The following CDH18 variants were observed in gnomAD, a reference collection of about 807,000 sequenced individuals.
CDH18 encodes the protein cadherin 18, also known as cadherin-18.
CDH18 carries 31 observed loss-of-function variants against 67.9 expected under a neutral mutation model. The observed-to-expected ratio is 0.46, with a 90% CI of 0.34 to 0.62. The LOEUF (loss-of-function observed/expected upper bound fraction) is 0.62. CDH18 is among the 20% of genes least tolerant of loss of function. The pLI is 0.01. For missense variants in CDH18, 890 were observed against 975.5 expected, an observed-to-expected ratio of 0.91 and a Z score of 1.17; for synonymous variants, 362 against 347.2, an observed-to-expected ratio of 1.04 and a Z score of -0.48.
intron 2 of CDH18, among the ~76,000 whole-genome samples, chr5:20,073,149 A>C (rs1302921925): frequency 6.6e-6 from 1 of 152,034 alleles, no homozygotes; most frequent in Non-Finnish European, 1.5e-5. Flanking sequence ...TTACACTCAC[A>C]GTCATCTAAA....
At chr5:20,089,402 T>C (rs1745239717) in intron 2 of CDH18, among the ~76,000 whole-genome samples, 1 of 152,168 alleles carries the variant, frequency 6.6e-6, no homozygotes. Flanking sequence ...TTGGAAAAAC[T>C]GGAAGATCAC....
chr5:20,163,908 C>A (rs1209278651), intron 2 of CDH18, among the ~76,000 whole-genome samples: 1 of 152,006 alleles, frequency 6.6e-6, no homozygotes, highest in Non-Finnish European at 1.5e-5. Flanking sequence ...CACAATATAC[C>A]AAAATATTTA....
At chr5:20,341,000 C>A (rs2150043117) in intron 1 of CDH18, among the ~76,000 whole-genome samples, 1 of 152,162 alleles carries the variant, frequency 6.6e-6, no homozygotes, top group South Asian at 2.1e-4. Context: ...TGGTGGAGAC[C>A]AACATTAATT....
chr5:19,901,216 T>C (rs1789904582), intron 2 of CDH18, among the ~76,000 whole-genome samples: 1 of 152,146 alleles, frequency 6.6e-6, no homozygotes, highest in African/African-American at 2.4e-5. Flanking sequence ...CTTTTAAAAG[T>C]AGATATTTTA....
chr5:20,139,252 T>G (rs1010007764), intron 2 of CDH18, among the ~76,000 whole-genome samples: 13 of 152,146 alleles, frequency 8.5e-5, no homozygotes, highest in African/African-American at 3.1e-4. Context: ...CTGGGAAAAC[T>G]GGCTAGCCAT....
intron 1 of CDH18, among the ~76,000 whole-genome samples, chr5:19,982,168 T>C (rs193287281): frequency 1.4e-3 from 214 of 152,288 alleles, no homozygotes; most frequent in Non-Finnish European, 2.6e-3. Context: ...TGGTTTATTT[T>C]ATAATCTTAA....
chr5:19,555,131 G>A (rs115574094), intron 8 of CDH18, among the ~76,000 whole-genome samples: 1 of 152,280 alleles, frequency 6.6e-6, no homozygotes, highest in Non-Finnish European at 1.5e-5. Flanking sequence ...TATGACTAGA[G>A]CCAGGGAAAA....
At chr5:20,216,761 C>T (rs994220263) in intron 2 of CDH18, among the ~76,000 whole-genome samples, 1 of 151,756 alleles carries the variant, frequency 6.6e-6, no homozygotes, top group Non-Finnish European at 1.5e-5. Context: ...AGAGCAACGA[C>T]AAAACAAAAG....
At chr5:20,246,057 T>C (rs1743353965) in intron 2 of CDH18, among the ~76,000 whole-genome samples, 1 of 152,144 alleles carries the variant, frequency 6.6e-6, no homozygotes, top group South Asian at 2.1e-4. Context: ...CAGTAGCATA[T>C]AAAATTATGG....
chr5:19,952,012 A>G (rs2150266909), intron 2 of CDH18, among the ~76,000 whole-genome samples: 1 of 152,186 alleles, frequency 6.6e-6, no homozygotes. Flanking sequence ...TTATTTTTCT[A>G]TGTAATTATC....
chr5:19,544,067 G>A, intron 8 of CDH18, 62 bp from the exon 9 acceptor site: 1 of 810,322 alleles, frequency 1.2e-6, no homozygotes, highest in Non-Finnish European at 1.9e-6. Flanking sequence ...ACTGAACCAA[G>A]GAAAGTATTA....
intron 3 of CDH18, among the ~76,000 whole-genome samples, chr5:19,764,708 T>C (rs938011597): frequency 1.5e-4 from 23 of 151,888 alleles, no homozygotes; most frequent in Non-Finnish European, 2.1e-4. Flanking sequence ...TGTGTGTGTA[T>C]ATAGTTATTA....
intron 1 of CDH18, among the ~76,000 whole-genome samples, chr5:20,349,205 C>A (rs1580807881): frequency 1.3e-5 from 2 of 152,186 alleles, no homozygotes; most frequent in Non-Finnish European, 2.9e-5. Flanking sequence ...TTTTAGATTT[C>A]TTTTACTCAC....
intron 9 of CDH18, among the ~76,000 whole-genome samples, chr5:19,542,799 T>C (rs927777648): frequency 2.0e-5 from 3 of 152,214 alleles, no homozygotes; most frequent in African/African-American, 7.2e-5. Flanking sequence ...CAGAATTTTT[T>C]TTTTTGTAGT....
At chr5:19,689,896 AGACTGAAAG>A (rs1483977294) in intron 5 of CDH18, among the ~76,000 whole-genome samples, 1 of 151,360 alleles carries the variant, frequency 6.6e-6, no homozygotes, top group African/African-American at 2.4e-5. Flanking sequence ...AGACACATAT[AGACTGAAAG>A]TAAAGGAATG....
chr5:19,837,630 C>A (rs1262677497), intron 3 of CDH18, among the ~76,000 whole-genome samples: 2 of 152,082 alleles, frequency 1.3e-5, no homozygotes, highest in Admixed American at 6.6e-5. Flanking sequence ...TATATTCTGA[C>A]TCCACAGCTC....
chr5:20,471,249 T>C (rs1752047337), intron 1 of CDH18, among the ~76,000 whole-genome samples: 1 of 152,160 alleles, frequency 6.6e-6, no homozygotes, highest in Non-Finnish European at 1.5e-5. Flanking sequence ...TACTGCTTTC[T>C]CTGCTTGTTC....
intron 1 of CDH18, among the ~76,000 whole-genome samples, chr5:20,295,924 TGCAGTGGC>T (rs1190630551): frequency 7.1e-6 from 1 of 140,860 alleles, no homozygotes; most frequent in African/African-American, 2.6e-5. Flanking sequence ...CAGGCTGGAG[TGCAGTGGC>T]GCAATCTCGG....
intron 1 of CDH18, among the ~76,000 whole-genome samples, chr5:19,986,334 C>T (rs965289799): frequency 1.3e-5 from 2 of 152,118 alleles, no homozygotes; most frequent in Non-Finnish European, 2.9e-5. Context: ...GCTAGAGTTT[C>T]CTGCCACTCA....
Sources: allele counts gnomAD v4.1 joint callset (sites outside exome capture counted in the v4.1 genomes callset), GRCh38; gene constraint gnomAD v4.1.1; transcripts MANE v1.5; gene names NCBI Gene and HGNC (gene_info 2026-07-23, HGNC 2026-07-21).